TAF13: variants seen among roughly 807,000 people sequenced by gnomAD.
The protein encoded by TAF13 is transcription initiation factor TFIID subunit 13.
A neutral mutation model predicts 18.7 loss-of-function variants in TAF13; 9 were observed. That is an observed-to-expected ratio of 0.48 (90% CI 0.29 to 0.84). TAF13 has a LOEUF of 0.84. TAF13 is among the 40% of genes least tolerant of loss of function. The pLI is 0.08. For synonymous variants in TAF13, 49 were observed against 44.1 expected (o/e 1.11, Z -0.44); for missense variants, 105 against 146.5 (o/e 0.72, Z 1.46).
chr1:109,064,953 T>A (rs776665928), intron 3 of TAF13, among the ~76,000 whole-genome samples: 14 of 152,146 alleles, frequency 9.2e-5, no homozygotes, highest in Admixed American at 2.6e-4. Flanking sequence ...TGTTCCTTTT[T>A]TGTTTTTTGA....
At chr1:109,074,624 A>C (rs368454545) in intron 2 of TAF13, among the ~76,000 whole-genome samples, 29 of 152,200 alleles carry the variant, frequency 1.9e-4, no homozygotes, top group East Asian at 5.8e-4. Context: ...AAAACACACA[A>C]AAAAAATTAG....
intron 2 of TAF13, among the ~76,000 whole-genome samples, chr1:109,074,380 T>A (rs1364037006): frequency 6.6e-6 from 1 of 152,096 alleles, no homozygotes; most frequent in African/African-American, 2.4e-5. Flanking sequence ...GAAGGCAGCA[T>A]GCTCGTTAAG....
chr1:109,066,254 C>T, intron 2 of TAF13, 22 bp from the exon 3 acceptor site: 1 of 1,388,232 alleles, frequency 7.2e-7, no homozygotes, highest in Non-Finnish European at 9.9e-7. Context: ...CAATCACTTA[C>T]TTTTGTTTAC....
chr1:109,071,692 T>A (rs1437792145), intron 2 of TAF13, among the ~76,000 whole-genome samples: 1 of 151,426 alleles, frequency 6.6e-6, no homozygotes, highest in East Asian at 2.0e-4. Context: ...CGGTGGTTCA[T>A]GCTTGTAATC....
chr1:109,072,433 ATTGT>A (rs1458001269), intron 2 of TAF13, among the ~76,000 whole-genome samples: 1 of 151,632 alleles, frequency 6.6e-6, no homozygotes, highest in Non-Finnish European at 1.5e-5. Flanking sequence ...TCTCCATGTT[ATTGT>A]TTATTTTATT....
Position 109,064,266 on chromosome 1 carries a change from C to T in TAF13, c.*257G>A, listed in dbSNP as rs181478310. ...TTTAAATAGTCAAAAGTCAGAACAA[C>T]GGCATGGTTTGCAAGGTACTTTGAC... On this transcript the variant is annotated 3_prime_UTR_variant, in exon 4 of 4. Coordinates refer to ENST00000338366, the MANE Select transcript of TAF13 (RefSeq NM_005645.4). 25 of 223,586 alleles carry T rather than the reference C, an allele frequency of 1.1e-4. No homozygotes were observed. Among genetic ancestry groups the T allele is most frequent in the Admixed American group, 1.8e-4 (3 of 17,090 alleles). The allele number at this position is 223,586 out of a possible 1,614,324, so 13.9% of individuals were successfully genotyped here.
At chr1:109,065,799 G>A (rs1337004279) in intron 3 of TAF13, among the ~76,000 whole-genome samples, 1 of 151,832 alleles carries the variant, frequency 6.6e-6, no homozygotes, top group Non-Finnish European at 1.5e-5. Context: ...ATGCATGCCT[G>A]TAATCCCAGC....
intron 2 of TAF13, among the ~76,000 whole-genome samples, chr1:109,068,870 C>T (rs572435734): frequency 6.6e-6 from 1 of 152,218 alleles, no homozygotes; most frequent in South Asian, 2.1e-4. Context: ...GGCGTGGTGG[C>T]ACGCACCTGT....
chr1:109,072,565 C>T (rs563317968), intron 2 of TAF13, among the ~76,000 whole-genome samples: 10 of 151,996 alleles, frequency 6.6e-5, no homozygotes, highest in South Asian at 4.2e-4. Flanking sequence ...TCACCTCAGC[C>T]TCCAGAGTAG....
intron 2 of TAF13, among the ~76,000 whole-genome samples, chr1:109,068,727 C>T (rs1663993081): frequency 1.3e-5 from 2 of 152,106 alleles, no homozygotes; most frequent in African/African-American, 4.8e-5. Context: ...TGAAGGCCAG[C>T]GCGGTGGTTC....
At position 109,075,955 on chromosome 1, in the gene TAF13, G is replaced by C. The variant is rs527956638; in HGVS notation, c.-8C>G. ...TTCTTCCTCATCTGCCATCCCACTA[G>C]CACGCCAACTCACAGCGTCCTGCCG... On this transcript the variant is annotated 5_prime_UTR_variant, in exon 1 of 4. Transcript: ENST00000338366. The C allele has an allele frequency of 6.2e-7, 1 of 1,614,184 alleles. No individual in the cohort carries two copies. Among genetic ancestry groups the C allele is most frequent in the Non-Finnish European group, 8.5e-7 (1 of 1,180,038 alleles).
At chr1:109,074,044 C>T (rs1387003566) in intron 2 of TAF13, among the ~76,000 whole-genome samples, 1 of 152,206 alleles carries the variant, frequency 6.6e-6, no homozygotes, top group Non-Finnish European at 1.5e-5. Context: ...GTAAGGAGCC[C>T]CTCTGCCCTG....
intron 2 of TAF13, among the ~76,000 whole-genome samples, chr1:109,071,682 C>T (rs900758957): frequency 2.0e-5 from 3 of 151,016 alleles, no homozygotes; most frequent in Non-Finnish European, 4.4e-5. Context: ...AAGCTGGGCA[C>T]GGTGGTTCAT....
intron 3 of TAF13, among the ~76,000 whole-genome samples, chr1:109,065,211 C>A (rs764322044): frequency 6.6e-6 from 1 of 152,134 alleles, no homozygotes; most frequent in Non-Finnish European, 1.5e-5. Context: ...CGGCATTGAG[C>A]CAGACACAGT....
chr1:109,067,830 T>G (rs751170135), intron 2 of TAF13, among the ~76,000 whole-genome samples: 3 of 152,140 alleles, frequency 2.0e-5, no homozygotes, highest in Admixed American at 6.6e-5. Flanking sequence ...ATGAGAAAAT[T>G]AAAGCACTGC....
intron 2 of TAF13, among the ~76,000 whole-genome samples, chr1:109,074,662 C>T (rs1207864530): frequency 1.3e-5 from 2 of 152,128 alleles, no homozygotes; most frequent in African/African-American, 2.4e-5. Flanking sequence ...CGCCAGTAGT[C>T]CCAGCTACTC....
At position 109,066,226 on chromosome 1, in the gene TAF13, C is replaced by T. The variant is rs771211231; in HGVS notation, c.113G>A (p.Cys38Tyr). Residue 38 changes from cysteine (C) to tyrosine (Y), a missense_variant, in exon 3 of 4, where the codon TGT (cysteine) becomes TAT (tyrosine). Physicochemically the swap from Cys to Tyr is radical, Grantham distance 194. Coordinates refer to ENST00000338366, the MANE Select transcript of TAF13 (RefSeq NM_005645.4). ...GTCATCCCCAAAGCCATACATCATA[C>T]ATCGCACTGTAAAAGAACAATCACT... The part of the protein sequence containing the change: ...RKRLFSKELR[C>Y]MMYGFGDDQN... 6 of 1,600,202 alleles carry T rather than the reference C, an allele frequency of 3.7e-6. No individual in the cohort carries two copies. Among genetic ancestry groups the T allele is most frequent in the Non-Finnish European group, 5.1e-6 (6 of 1,175,694 alleles).
intron 2 of TAF13, among the ~76,000 whole-genome samples, chr1:109,066,943 T>A (rs963899023): frequency 9.2e-5 from 14 of 152,082 alleles, no homozygotes; most frequent in African/African-American, 2.7e-4. Context: ...ATGGTCTCGA[T>A]GATCTGACCT....
At chr1:109,074,327 G>A (rs1481074164) in intron 2 of TAF13, among the ~76,000 whole-genome samples, 1 of 152,136 alleles carries the variant, frequency 6.6e-6, no homozygotes, top group Non-Finnish European at 1.5e-5. Context: ...AGGGTTAAAT[G>A]GATTAAGGGC....
Sources: allele counts gnomAD v4.1 joint callset (sites outside exome capture counted in the v4.1 genomes callset), GRCh38; gene constraint gnomAD v4.1.1; transcripts MANE v1.5; gene names NCBI Gene and HGNC (gene_info 2026-07-23, HGNC 2026-07-21).